DIAPH2: variants seen among roughly 807,000 people sequenced by gnomAD.
DIAPH2 encodes the protein protein diaphanous homolog 2.
DIAPH2 carries 35 observed loss-of-function variants against 92.7 expected under a neutral mutation model. The ratio of observed to expected loss-of-function variants is 0.38; its 90% CI spans 0.29 to 0.50. DIAPH2 has a LOEUF of 0.50. Among genes scored for constraint, DIAPH2 ranks in the 20% least tolerant of loss-of-function variants. The pLI, the probability that DIAPH2 is intolerant of heterozygous loss-of-function variation, is 0.94. For synonymous variants in DIAPH2, 301 were observed against 280.4 expected, an observed-to-expected ratio of 1.07 and a Z score of -0.73; for missense variants, 701 against 819.5, an observed-to-expected ratio of 0.86 and a Z score of 1.77.
intron 23 of DIAPH2, among the ~76,000 whole-genome samples, chrX:97,260,936 C>T (rs1439161049): frequency 8.9e-6 from 1 of 112,040 alleles, no homozygotes; most frequent in Non-Finnish European, 1.9e-5. Flanking sequence ...ACAGCTTAAT[C>T]GAGAGCTATA....
At chrX:97,183,188 T>C (rs1350696986) in intron 22 of DIAPH2, among the ~76,000 whole-genome samples, 1 of 111,204 alleles carries the variant, frequency 9.0e-6, no homozygotes, top group Admixed American at 9.6e-5. Flanking sequence ...GGTTGGAAAA[T>C]GTCAGTTTGG....
intron 24 of DIAPH2, among the ~76,000 whole-genome samples, chrX:97,364,410 AGCTTTGATTTT>A (rs1404692183): frequency 8.9e-6 from 1 of 111,849 alleles, no homozygotes; most frequent in Non-Finnish European, 1.9e-5. Flanking sequence ...GTATCAACTC[AGCTTTGATTTT>A]CCCTTTCTTT....
chrX:97,451,778 T>C (rs924900106), intron 26 of DIAPH2, among the ~76,000 whole-genome samples: 3 of 111,428 alleles, frequency 2.7e-5, no homozygotes, highest in Non-Finnish European at 5.7e-5. Flanking sequence ...TATTTTAAAG[T>C]GTGCCTTTCC....
chrX:96,906,660 A>G (rs776902507), intron 5 of DIAPH2, among the ~76,000 whole-genome samples: 3 of 112,441 alleles, frequency 2.7e-5, no homozygotes, highest in Non-Finnish European at 5.6e-5. Context: ...TAGAACCTAG[A>G]TCTGTTTTCC....
rs763745914 is a variant in DIAPH2, at chrX:97,570,096, AT to A, written c.3242-29156del. Among the ~76,000 whole-genome samples the A allele has an allele frequency of 5.2e-3, 158 of 30,281 alleles. 3 individuals carry two copies. Among genetic ancestry groups the A allele is most frequent in the African/African-American group, 0.016 (154 of 9,772 alleles). The allele number at this position is 30,281 out of a possible 115,157, so 26.3% of individuals were successfully genotyped here. A position where few individuals can be genotyped will look rare whatever the true frequency, so the allele number is the denominator to read the frequency against. ...TTCTAATATATATATATATATATAT[AT>A]ATATATATATATATATATATATATA... On this transcript the variant is annotated intron_variant, in intron 26 of 26. Transcript: ENST00000324765.
At position 96,751,646 on chromosome X, in the gene DIAPH2, T is replaced by A. The variant is rs1378607527; in HGVS notation, c.343-6508T>A. ...TTATAAATGGTCAACTAGACTTCAG[T>A]GTTTTGTTTTTTTTTTTTTTTTTTT... is the stretch of plus-strand genomic sequence containing the variant. On this transcript the variant is annotated intron_variant, in intron 3 of 26. Coordinates refer to ENST00000324765, the MANE Select transcript of DIAPH2 (RefSeq NM_006729.5). 1.1e-4 allele frequency among the ~76,000 whole-genome samples: 10 copies of A among 89,212 alleles called. 1 individual carries two copies. Among genetic ancestry groups the A allele is most frequent in the Middle Eastern group, 5.7e-3 (1 of 175 alleles). 77.5% of individuals were successfully genotyped at this position (89,212 alleles called of 115,157 possible).
intron 26 of DIAPH2, among the ~76,000 whole-genome samples, chrX:97,474,804 A>G (rs1809449708): frequency 9.0e-6 from 1 of 110,727 alleles, no homozygotes; most frequent in Non-Finnish European, 1.9e-5. Context: ...AATAAAGAAC[A>G]GGGTAGATGA....
Position 96,962,302 on chromosome X carries a change from T to TATATATATACATATATATATATAC in DIAPH2, c.1936-2770_1936-2769insTACATATATATACATATATATATA, listed in dbSNP as rs2065856565. Among the ~76,000 whole-genome samples the TATATATATACATATATATATATAC allele has an allele frequency of 7.5e-5, 3 of 40,151 alleles. 1 individual carries two copies. The highest frequency in any genetic ancestry group is 2.5e-4 in the African/African-American group (3 of 11,913). 34.9% of individuals were successfully genotyped at this position (40,151 alleles called of 115,157 possible). A position where few individuals can be genotyped will look rare whatever the true frequency, so the allele number is the denominator to read the frequency against. On this transcript the variant is annotated intron_variant, in intron 16 of 26. Coordinates refer to ENST00000324765, the MANE Select transcript of DIAPH2 (RefSeq NM_006729.5). The stretch of plus-strand genomic sequence containing the variant: ...ATATATATACATATATATATATACA[T>TATATATATACATATATATATATAC]ATATATATACATATATATATACACA...
At chrX:96,769,548 A>G (rs1288258571) in intron 4 of DIAPH2, among the ~76,000 whole-genome samples, 1 of 111,981 alleles carries the variant, frequency 8.9e-6, no homozygotes, top group Non-Finnish European at 1.9e-5. Context: ...TTTACTAGGT[A>G]TTGAAGGCCA....
chrX:97,275,998 A>G (rs1438015523), intron 23 of DIAPH2, among the ~76,000 whole-genome samples: 3 of 112,956 alleles, frequency 2.7e-5, no homozygotes, highest in African/African-American at 9.6e-5. Flanking sequence ...TTGAGCACTG[A>G]GTGAACGAGA....
intron 4 of DIAPH2, among the ~76,000 whole-genome samples, chrX:96,851,962 T>C (rs1380383683): frequency 8.9e-6 from 1 of 112,143 alleles, no homozygotes; most frequent in Non-Finnish European, 1.9e-5. Flanking sequence ...AGCAGATTGA[T>C]GATCGTATTT....
intron 4 of DIAPH2, among the ~76,000 whole-genome samples, chrX:96,864,481 A>T (rs2065092219): frequency 8.9e-6 from 1 of 111,743 alleles, no homozygotes; most frequent in Admixed American, 9.5e-5. Context: ...AAAATGGATA[A>T]CTGTGTGAAC....
chrX:97,545,060 C>G (rs891911246), intron 26 of DIAPH2, among the ~76,000 whole-genome samples: 1 of 110,122 alleles, frequency 9.1e-6, no homozygotes, highest in African/African-American at 3.3e-5. Context: ...TATATTTTCC[C>G]CTACTCCTCT....
intron 4 of DIAPH2, among the ~76,000 whole-genome samples, chrX:96,790,827 C>G (rs1397538546): frequency 1.8e-5 from 2 of 111,641 alleles, no homozygotes; most frequent in South Asian, 3.8e-4. Context: ...GAGAGGAAAA[C>G]AGGCCCAGGC....
At chrX:97,058,223 G>A (rs1221800297) in intron 17 of DIAPH2, among the ~76,000 whole-genome samples, 1 of 111,334 alleles carries the variant, frequency 9.0e-6, no homozygotes, top group Non-Finnish European at 1.9e-5. Context: ...AAAACTATTC[G>A]TGAATTTGAC....
chrX:96,865,954 A>G (rs765050379), intron 4 of DIAPH2, among the ~76,000 whole-genome samples: 1 of 111,982 alleles, frequency 8.9e-6, no homozygotes, highest in Non-Finnish European at 1.9e-5. Flanking sequence ...ATAAGATATA[A>G]TGAAACTGGG....
chrX:97,089,933 T>C (rs973867027), intron 19 of DIAPH2, among the ~76,000 whole-genome samples: 2 of 111,196 alleles, frequency 1.8e-5, no homozygotes, highest in African/African-American at 6.5e-5. Flanking sequence ...TTTCACCGTG[T>C]TCGGCAAGAT....
intron 17 of DIAPH2, among the ~76,000 whole-genome samples, chrX:96,976,147 G>GACT (rs1296282083): frequency 9.2e-6 from 1 of 109,103 alleles, no homozygotes. Context: ...TGGTAGCTGG[G>GACT]ACTATAAGTG....
At chrX:97,184,549 C>T (rs778887716) in intron 22 of DIAPH2, among the ~76,000 whole-genome samples, 2 of 111,425 alleles carry the variant, frequency 1.8e-5, no homozygotes, top group Non-Finnish European at 3.8e-5. Context: ...AATCCCTACT[C>T]CACAGTCATA....
Sources: gnomAD v4.1 joint callset for allele counts (sites outside exome capture counted in the v4.1 genomes callset) on GRCh38, gnomAD v4.1.1 for gene constraint, MANE v1.5 for transcripts, NCBI Gene and HGNC (gene_info 2026-07-23, HGNC 2026-07-21) for gene names.